The following PCOLCE2 variants were observed in gnomAD, a reference collection of about 807,000 sequenced individuals.
PCOLCE2 encodes the protein procollagen C-proteinase enhancer 2.
PCOLCE2 carries 42 observed loss-of-function variants against 47.0 expected under a neutral mutation model. The ratio of observed to expected loss-of-function variants is 0.89; its 90% CI spans 0.70 to 1.16. The LOEUF (loss-of-function observed/expected upper bound fraction) is 1.16. Among genes scored for constraint, PCOLCE2 ranks in the 50% most tolerant of loss-of-function variants. The pLI is 0.00. For synonymous variants in PCOLCE2, 169 were observed against 191.7 expected (o/e 0.88, Z 0.98); for missense variants, 500 against 526.1 (o/e 0.95, Z 0.49).
intron 5 of PCOLCE2, among the ~76,000 whole-genome samples, chr3:142,838,318 A>G (rs530246178): frequency 8.1e-4 from 124 of 152,188 alleles, no homozygotes; most frequent in Non-Finnish European, 1.2e-3. Context: ...AATGTTGAGG[A>G]GAAGCGTGGT....
intron 5 of PCOLCE2, among the ~76,000 whole-genome samples, 197 bp downstream of exon 5, chr3:142,838,573 T>C (rs1260896096): frequency 6.6e-6 from 1 of 152,144 alleles, no homozygotes; most frequent in African/African-American, 2.4e-5. Flanking sequence ...CCTGAGCCAA[T>C]TAAACCTCTT....
At chr3:142,870,454 C>T (rs2108207645) in intron 2 of PCOLCE2, among the ~76,000 whole-genome samples, 1 of 152,270 alleles carries the variant, frequency 6.6e-6, no homozygotes, top group South Asian at 2.1e-4. Context: ...TAATAAATTA[C>T]TGATTTCTCT....
At chr3:142,835,487 T>C (rs1377547902) in intron 5 of PCOLCE2, among the ~76,000 whole-genome samples, 1 of 152,224 alleles carries the variant, frequency 6.6e-6, no homozygotes, top group Admixed American at 6.5e-5. Context: ...GGATGTGTCT[T>C]GTAAACAACA....
At chr3:142,848,978 C>G (rs903957808) in intron 2 of PCOLCE2, among the ~76,000 whole-genome samples, 1 of 151,910 alleles carries the variant, frequency 6.6e-6, no homozygotes, top group Admixed American at 6.6e-5. Context: ...ACAGTGAAAC[C>G]CCGTCTCTAC....
intron 8 of PCOLCE2, 95 bp from the exon 9 acceptor site, chr3:142,818,560 CT>C: frequency 1.0e-6 from 1 of 961,886 alleles, no homozygotes; most frequent in East Asian, 2.4e-5. Flanking sequence ...ATGTTCTCTT[CT>C]GCAAATGGTA....
chr3:142,854,664 T>C (rs1290364364), intron 2 of PCOLCE2, among the ~76,000 whole-genome samples: 1 of 152,172 alleles, frequency 6.6e-6, no homozygotes, highest in Non-Finnish European at 1.5e-5. Context: ...GAAACTCCCA[T>C]CCACCTTGGG....
At chr3:142,838,309 A>G (rs1300040760) in intron 5 of PCOLCE2, among the ~76,000 whole-genome samples, 1 of 152,054 alleles carries the variant, frequency 6.6e-6, no homozygotes, top group Non-Finnish European at 1.5e-5. Flanking sequence ...ATAATCCCCA[A>G]TGTTGAGGAG....
At chr3:142,825,100 C>T (rs1323651765) in intron 6 of PCOLCE2, among the ~76,000 whole-genome samples, 1 of 152,108 alleles carries the variant, frequency 6.6e-6, no homozygotes, top group Non-Finnish European at 1.5e-5. Flanking sequence ...GAGAGACATA[C>T]CATTGTTCCA....
chr3:142,852,560 G>A (rs995290559), intron 2 of PCOLCE2, among the ~76,000 whole-genome samples: 3 of 151,398 alleles, frequency 2.0e-5, no homozygotes, highest in Admixed American at 6.6e-5. Flanking sequence ...GATTTCCTTT[G>A]TCTTCATCCC....
chr3:142,868,500 T>TACCTGCTCCACCCTGACTCATTCTGATC (rs1276806869), intron 2 of PCOLCE2, among the ~76,000 whole-genome samples: 8 of 152,292 alleles, frequency 5.3e-5, no homozygotes, highest in South Asian at 2.1e-4. Flanking sequence ...CTTTTGGGAT[T>TACCTGCTCCACCCTGACTCATTCTGATC]ACCTGCTCCA....
intron 2 of PCOLCE2, among the ~76,000 whole-genome samples, chr3:142,883,570 C>T (rs1204064767): frequency 6.6e-6 from 1 of 151,670 alleles, no homozygotes; most frequent in African/African-American, 2.4e-5. Context: ...AGGCGCCCAC[C>T]ACCACACCCA....
At chr3:142,822,340 C>T (rs1937025157) in intron 7 of PCOLCE2, among the ~76,000 whole-genome samples, 1 of 152,030 alleles carries the variant, frequency 6.6e-6, no homozygotes, top group Non-Finnish European at 1.5e-5. Context: ...CATTATCAGC[C>T]CTGGTTGAGA....
intron 6 of PCOLCE2, among the ~76,000 whole-genome samples, chr3:142,828,266 C>A (rs1937108415): frequency 6.6e-6 from 1 of 152,156 alleles, no homozygotes; most frequent in South Asian, 2.1e-4. Context: ...AGGCTGGGGA[C>A]AAAGTGTGAA....
chr3:142,885,295 A>C lies in PCOLCE2; in HGVS notation c.192+2374T>G, dbSNP rs59716354. Among the ~76,000 whole-genome samples the C allele has an allele frequency of 1.8e-3, 268 of 152,168 alleles. 3 individuals are homozygous for C. The highest frequency in any genetic ancestry group is 6.1e-3 in the African/African-American group (251 of 41,482). ...TGGGAGGCCAGTGAGTGAAAGCAAG[A>C]TATTTCCCCCCAGCTACAGGAACTA... On this transcript the variant is annotated intron_variant, in intron 2 of 8. Coordinates refer to ENST00000295992, the MANE Select transcript of PCOLCE2 (RefSeq NM_013363.4).
At chr3:142,848,118 G>C (rs1366712540) in intron 3 of PCOLCE2, 99 bp downstream of exon 3, 1 of 1,271,292 alleles carries the variant, frequency 7.9e-7, no homozygotes, top group Non-Finnish European at 1.1e-6. Flanking sequence ...CTAGCTCTTT[G>C]AGAACCACTC....
intron 6 of PCOLCE2, among the ~76,000 whole-genome samples, chr3:142,828,413 T>C (rs1937109626): frequency 1.3e-5 from 2 of 152,196 alleles, no homozygotes; most frequent in East Asian, 3.8e-4. Flanking sequence ...ATTAGCCACA[T>C]TTTAAGTGCT....
chr3:142,874,312 G>A (rs1933453091), intron 2 of PCOLCE2, among the ~76,000 whole-genome samples: 3 of 152,224 alleles, frequency 2.0e-5, no homozygotes, highest in Admixed American at 1.3e-4. Context: ...CCGACTTTGT[G>A]ATCCGCCTGC....
intron 2 of PCOLCE2, among the ~76,000 whole-genome samples, chr3:142,848,954 C>A (rs1937360625): frequency 6.6e-6 from 1 of 152,066 alleles, no homozygotes; most frequent in East Asian, 1.9e-4. Context: ...GAGATCGAGA[C>A]CATCCTGGCT....
intron 5 of PCOLCE2, among the ~76,000 whole-genome samples, chr3:142,835,479 ATGTGTCT>A (rs1376382241): frequency 6.6e-6 from 1 of 151,088 alleles, no homozygotes; most frequent in Non-Finnish European, 1.5e-5. Context: ...TTTTGGGGGG[ATGTGTCT>A]TGTAAACAAC....
Sources: allele counts gnomAD v4.1 joint callset (sites outside exome capture counted in the v4.1 genomes callset), GRCh38; gene constraint gnomAD v4.1.1; transcripts MANE v1.5; gene names NCBI Gene and HGNC (gene_info 2026-07-23, HGNC 2026-07-21).